The following TNFRSF10A variants were observed in gnomAD, a reference collection of about 807,000 sequenced individuals.
TNFRSF10A encodes the protein TNF receptor superfamily member 10a.
Under a neutral mutation model 42.8 loss-of-function variants are expected in TNFRSF10A, and 44 were observed. That is an observed-to-expected ratio of 1.03 (90% CI 0.81 to 1.32). The LOEUF (loss-of-function observed/expected upper bound fraction) is 1.32, where lower values mean the gene tolerates loss of function less well. TNFRSF10A is among the 40% of genes most tolerant of loss of function. The pLI is 0.00. For synonymous variants in TNFRSF10A, 259 were observed against 234.2 expected, an observed-to-expected ratio of 1.11 and a Z score of -0.97; for missense variants, 680 against 602.0, an observed-to-expected ratio of 1.13 and a Z score of -1.36.
intron 9 of TNFRSF10A, among the ~76,000 whole-genome samples, chr8:23,194,469 T>C (rs933926895): frequency 2.6e-5 from 4 of 152,202 alleles, no homozygotes; most frequent in African/African-American, 9.6e-5. Flanking sequence ...TTTTGAGATA[T>C]CAGTTTGGCA....
At position 23,191,472 on chromosome 8, in the gene TNFRSF10A, T is replaced by A. The variant is rs1262799694; in HGVS notation, c.*222A>T. Reference sequence around the variant, plus strand: ...CACCATCACATCCAGTTAATTTTTGTATTTTTTTGTAAAGACGGCATTTCA... The same window carrying A: ...CACCATCACATCCAGTTAATTTTTGAATTTTTTTGTAAAGACGGCATTTCA... On this transcript the variant is annotated 3_prime_UTR_variant, in exon 10 of 10. Transcript: ENST00000221132. The A allele has an allele frequency of 1.6e-6, 1 of 631,968 alleles. No homozygotes were observed. Among genetic ancestry groups the A allele is most frequent in the Non-Finnish European group, 2.7e-6 (1 of 376,538 alleles). The allele number at this position is 631,968 out of a possible 1,614,324, so 39.1% of individuals were successfully genotyped here. A position where few individuals can be genotyped will look rare whatever the true frequency, so the allele number is the denominator to read the frequency against.
Position 23,202,661 on chromosome 8 carries a change from T to C in TNFRSF10A, c.504A>G (p.Thr168=), listed in dbSNP as rs752898429. 7 of 1,613,740 alleles carry C rather than the reference T, an allele frequency of 4.3e-6. No individual in the cohort carries two copies. In the South Asian group the frequency reaches 7.7e-5, roughly 18 times the overall value. Residue 168 remains threonine (T), a synonymous_variant, in exon 3 of 10, where the codon ACA becomes ACG. Transcript: ENST00000221132. ...SNNLFACLPC[T]ACKSDEEERS... ...CACATTCTGTACCTGATTTACAAGC[T>C]GTACATGGGAGGCAAGCAAACAAAT... is the stretch of plus-strand genomic sequence containing the variant.
intron 2 of TNFRSF10A, among the ~76,000 whole-genome samples, chr8:23,206,346 C>T (rs1452749012): frequency 1.3e-5 from 2 of 152,218 alleles, no homozygotes; most frequent in East Asian, 3.9e-4. Context: ...ACTCACCACT[C>T]ACTGACTCAC....
chr8:23,209,865 T>A (rs1005679398), intron 2 of TNFRSF10A, among the ~76,000 whole-genome samples: 1 of 152,072 alleles, frequency 6.6e-6, no homozygotes, highest in Non-Finnish European at 1.5e-5. Context: ...GAAGGCATGA[T>A]TGGTTTTGAA....
At chr8:23,207,061 C>T in intron 2 of TNFRSF10A, 1 of 484,932 alleles carries the variant, frequency 2.1e-6, no homozygotes, top group Admixed American at 2.5e-5. Flanking sequence ...CTTCCGGTGG[C>T]CCAAGATACT....
chr8:23,208,843 G>A (rs1357443223), intron 2 of TNFRSF10A, among the ~76,000 whole-genome samples: 1 of 152,204 alleles, frequency 6.6e-6, no homozygotes. Flanking sequence ...CCCATTTTCT[G>A]AGGAGAAATT....
chr8:23,199,074 A>G (rs1773397204), intron 8 of TNFRSF10A, among the ~76,000 whole-genome samples, 192 bp downstream of exon 8: 1 of 152,196 alleles, frequency 6.6e-6, no homozygotes, highest in African/African-American at 2.4e-5. Flanking sequence ...TGGCAAGGAC[A>G]GGACAGGGAC....
chr8:23,224,048 C>A (rs183866948), intron 1 of TNFRSF10A, among the ~76,000 whole-genome samples: 2 of 152,242 alleles, frequency 1.3e-5, no homozygotes, highest in East Asian at 1.9e-4. Flanking sequence ...GATGGAGGGC[C>A]GGGCGCGGTG....
chr8:23,224,602 T>A (rs1801307744), intron 1 of TNFRSF10A, 154 bp downstream of exon 1: 1 of 1,057,868 alleles, frequency 9.5e-7, no homozygotes, highest in Non-Finnish European at 1.3e-6. Context: ...GGGACCCCGT[T>A]CTTCCTCCGA....
chr8:23,214,520 T>G (rs1162977765), intron 1 of TNFRSF10A, among the ~76,000 whole-genome samples: 2 of 152,128 alleles, frequency 1.3e-5, no homozygotes, highest in African/African-American at 4.8e-5. Context: ...GTTGTTTAAT[T>G]TTCACATATT....
intron 1 of TNFRSF10A, among the ~76,000 whole-genome samples, chr8:23,214,405 G>A (rs537994730): frequency 3.3e-5 from 5 of 151,622 alleles, no homozygotes; most frequent in African/African-American, 9.7e-5. Context: ...GGAGAATGGC[G>A]TGAACCTGAG....
chr8:23,203,241 C>T (rs986016680), intron 2 of TNFRSF10A, among the ~76,000 whole-genome samples: 8 of 152,218 alleles, frequency 5.3e-5, no homozygotes, highest in African/African-American at 1.4e-4. Flanking sequence ...ATGCCACCTG[C>T]ATCCCTGGAA....
intron 1 of TNFRSF10A, among the ~76,000 whole-genome samples, chr8:23,219,575 A>T (rs1801229190): frequency 1.3e-5 from 2 of 152,232 alleles, no homozygotes; most frequent in African/African-American, 4.8e-5. Flanking sequence ...TGCTGAAACC[A>T]CACTGTTAAG....
intron 1 of TNFRSF10A, among the ~76,000 whole-genome samples, chr8:23,218,422 T>A (rs2128851635): frequency 6.6e-6 from 1 of 152,262 alleles, no homozygotes; most frequent in African/African-American, 2.4e-5. Flanking sequence ...AATGAGCAAC[T>A]CAGAATTGTT....
chr8:23,209,377 G>A lies in TNFRSF10A; in HGVS notation c.403+2739C>T, dbSNP rs572352733. 3.3e-5 allele frequency among the ~76,000 whole-genome samples: 5 copies of A among 152,336 alleles called. No homozygotes were observed. In the South Asian group the frequency reaches 1.0e-3, roughly 32 times the overall value. On this transcript the variant is annotated intron_variant, in intron 2 of 9. Transcript: ENST00000221132. ...TGCCTAGTGGAGCTGTGAAAAGAGGGCCATTGTCCTTCAGACCCCAGAATG... is the reference window on the plus strand; with the variant it reads ...TGCCTAGTGGAGCTGTGAAAAGAGGACCATTGTCCTTCAGACCCCAGAATG...
chr8:23,217,723 T>C lies in TNFRSF10A; in HGVS notation c.307-5511A>G, dbSNP rs151086170. On this transcript the variant is annotated intron_variant, in intron 1 of 9. Transcript: ENST00000221132. ...ATTGGTGCGGGCTTCCTAGAACCCA[T>C]GTTACTCATTCATCCAAGGAGGGCA... Among the ~76,000 whole-genome samples, 696 of 152,192 alleles carry C rather than the reference T, an allele frequency of 4.6e-3. 5 individuals are homozygous for C. The highest frequency in any genetic ancestry group is 0.016 in the African/African-American group (669 of 41,514).
chr8:23,192,018 G>A lies in TNFRSF10A; in HGVS notation c.1088-5C>T. On this transcript the variant is annotated splice_polypyrimidine_tract_variant and splice_region_variant and intron_variant, in intron 9 of 9. Transcript: ENST00000221132. ...TGTCAAAGAACAGCATCAGAGCTGG[G>A]TGGAGAAAGCCACAGAGACAGCCAG... 1.9e-6 allele frequency: 3 copies of A among 1,609,846 alleles called. No homozygotes were observed. The highest frequency in any genetic ancestry group is 1.7e-6 in the Non-Finnish European group (2 of 1,178,642).
intron 8 of TNFRSF10A, 36 bp from the exon 9 acceptor site, chr8:23,197,240 C>T (rs201463246): frequency 1.2e-6 from 2 of 1,613,580 alleles, no homozygotes. Context: ...TGGTCTGAGT[C>T]AGGGGTCCTG....
intron 2 of TNFRSF10A, among the ~76,000 whole-genome samples, chr8:23,211,709 C>T (rs1465927181): frequency 2.0e-5 from 3 of 152,136 alleles, no homozygotes; most frequent in Non-Finnish European, 4.4e-5. Flanking sequence ...AATTGAGAGT[C>T]CAAAAATACA....
Sources: gnomAD v4.1 joint callset for allele counts (sites outside exome capture counted in the v4.1 genomes callset) on GRCh38, gnomAD v4.1.1 for gene constraint, MANE v1.5 for transcripts, NCBI Gene and HGNC (gene_info 2026-07-23, HGNC 2026-07-21) for gene names.